CYP19A1: variants seen among roughly 807,000 people sequenced by gnomAD.
The protein encoded by CYP19A1 is cytochrome P450 family 19 subfamily A member 1.
CYP19A1 carries 32 observed loss-of-function variants against 44.4 expected under a neutral mutation model. The ratio of observed to expected loss-of-function variants is 0.72; its 90% CI spans 0.54 to 0.97. CYP19A1 has a LOEUF of 0.97. Ranked by LOEUF, CYP19A1 falls within the 50% of genes least tolerant of loss-of-function variation. The pLI is 0.00. For missense variants in CYP19A1, 598 were observed against 637.8 expected (o/e 0.94, Z 0.67); for synonymous variants, 212 against 215.6 (o/e 0.98, Z 0.14).
At chr15:51,263,968 T>G (rs2034824065) in intron 1 of CYP19A1, among the ~76,000 whole-genome samples, 1 of 152,172 alleles carries the variant, frequency 6.6e-6, no homozygotes, top group African/African-American at 2.4e-5. Flanking sequence ...CAGGCATGAG[T>G]AAATCTGGGA....
chr15:51,222,223 A>G, intron 5 of CYP19A1, 126 bp downstream of exon 5: 1 of 1,534,216 alleles, frequency 6.5e-7, no homozygotes, highest in Non-Finnish European at 8.8e-7. Flanking sequence ...AACGAGGAGT[A>G]CTTAGAAATG....
At chr15:51,237,463 T>C (rs1309748845) in intron 2 of CYP19A1, among the ~76,000 whole-genome samples, 1 of 152,154 alleles carries the variant, frequency 6.6e-6, no homozygotes, top group Non-Finnish European at 1.5e-5. Context: ...ACACAATGGG[T>C]GGGTTAAAAC....
At chr15:51,294,708 G>A (rs1286182040) in intron 1 of CYP19A1, among the ~76,000 whole-genome samples, 51 of 136,532 alleles carry the variant, frequency 3.7e-4, no homozygotes, top group African/African-American at 1.4e-3. Context: ...CCGGCCAGCC[G>A]CCCCGTCTGG....
chr15:51,323,477 G>T (rs534785306), intron 1 of CYP19A1, among the ~76,000 whole-genome samples: 1 of 151,680 alleles, frequency 6.6e-6, no homozygotes, highest in South Asian at 2.1e-4. Flanking sequence ...AAAATTTTTG[G>T]ATTTGGATGT....
At chr15:51,301,379 T>C (rs1014498819) in intron 1 of CYP19A1, among the ~76,000 whole-genome samples, 3 of 152,266 alleles carry the variant, frequency 2.0e-5, no homozygotes, top group Non-Finnish European at 4.4e-5. Context: ...TTAGCCTTTC[T>C]GGTCCTAACT....
At chr15:51,233,842 T>C (rs951126799) in intron 3 of CYP19A1, among the ~76,000 whole-genome samples, 1 of 152,204 alleles carries the variant, frequency 6.6e-6, no homozygotes, top group Non-Finnish European at 1.5e-5. Flanking sequence ...TTCATTAATT[T>C]AGAGTACAGC....
chr15:51,219,412 C>T (rs1186529770), intron 5 of CYP19A1, among the ~76,000 whole-genome samples: 1 of 152,186 alleles, frequency 6.6e-6, no homozygotes, highest in East Asian at 1.9e-4. Context: ...CTGCTAAATA[C>T]CAGTCACCAT....
At chr15:51,268,431 T>G (rs1040379472) in intron 1 of CYP19A1, among the ~76,000 whole-genome samples, 7 of 152,204 alleles carry the variant, frequency 4.6e-5, no homozygotes, top group African/African-American at 1.7e-4. Context: ...CAATAGTTTG[T>G]TCCTTAACAT....
rs187934538 is a variant in CYP19A1 at position 51,211,888 on chromosome 15, T to A, written c.1263+432A>T. Among the ~76,000 whole-genome samples the A allele has an allele frequency of 9.8e-5, 15 of 152,332 alleles. No individual in the cohort carries two copies. The East Asian group carries it at 2.9e-3, about 29-fold the overall frequency. ...GCCATTTGATGAGCCAAAGGCACTT[T>A]GCAAAAACCAAATCTTTTGGTCTCA... On this transcript the variant is annotated intron_variant, in intron 9 of 9. Transcript: ENST00000396402.
chr15:51,243,263 C>A (rs551924822), intron 1 of CYP19A1, among the ~76,000 whole-genome samples: 1 of 152,256 alleles, frequency 6.6e-6, no homozygotes, highest in South Asian at 2.1e-4. Flanking sequence ...AGCCAAATTT[C>A]TTGCCAAATT....
intron 3 of CYP19A1, among the ~76,000 whole-genome samples, chr15:51,236,044 T>A (rs1415974611): frequency 6.6e-6 from 1 of 152,246 alleles, no homozygotes; most frequent in Non-Finnish European, 1.5e-5. Flanking sequence ...AGTCAATTCC[T>A]ATTTAGTTAA....
chr15:51,280,542 A>G (rs2035484022), intron 1 of CYP19A1, among the ~76,000 whole-genome samples: 1 of 152,114 alleles, frequency 6.6e-6, no homozygotes, highest in Non-Finnish European at 1.5e-5. Context: ...CATTTTGGCC[A>G]CTTCCTACCT....
At chr15:51,257,339 C>T (rs937985493) in intron 1 of CYP19A1, among the ~76,000 whole-genome samples, 2 of 152,212 alleles carry the variant, frequency 1.3e-5, no homozygotes, top group South Asian at 2.1e-4. Context: ...GGCCCCAATT[C>T]GCTACACTTC....
chr15:51,249,269 C>G (rs1337771160), intron 1 of CYP19A1, among the ~76,000 whole-genome samples: 1 of 152,074 alleles, frequency 6.6e-6, no homozygotes, highest in Non-Finnish European at 1.5e-5. Context: ...AGCCTTATTT[C>G]TTGGTTCTCT....
intron 1 of CYP19A1, among the ~76,000 whole-genome samples, chr15:51,244,095 C>G (rs1402322851): frequency 2.6e-5 from 4 of 152,198 alleles, no homozygotes; most frequent in African/African-American, 9.7e-5. Flanking sequence ...TAATAAAATT[C>G]TAGATTCACA....
chr15:51,288,971 T>G (rs2035777982), intron 1 of CYP19A1, among the ~76,000 whole-genome samples: 1 of 152,252 alleles, frequency 6.6e-6, no homozygotes, highest in Non-Finnish European at 1.5e-5. Flanking sequence ...AACTGCATTC[T>G]GACCTCCTTC....
intron 3 of CYP19A1, 26 bp from the exon 4 acceptor site, chr15:51,227,959 C>A (rs547448505): frequency 1.4e-6 from 2 of 1,444,792 alleles, no homozygotes; most frequent in African/African-American, 1.4e-5. Flanking sequence ...ACTTTGGTGT[C>A]AATTTTTAAG....
At chr15:51,256,899 T>G (rs1221349798) in intron 1 of CYP19A1, among the ~76,000 whole-genome samples, 4 of 151,838 alleles carry the variant, frequency 2.6e-5, no homozygotes, top group African/African-American at 9.7e-5. Flanking sequence ...AAGAAAGAGG[T>G]GTAGTCAGAT....
chr15:51,217,998 G>A (rs1234644118), intron 6 of CYP19A1, among the ~76,000 whole-genome samples: 1 of 151,996 alleles, frequency 6.6e-6, no homozygotes, highest in African/African-American at 2.4e-5. Flanking sequence ...CCAAAACAAA[G>A]TCATTTAATG....
Sources: allele counts gnomAD v4.1 joint callset (sites outside exome capture counted in the v4.1 genomes callset), GRCh38; gene constraint gnomAD v4.1.1; transcripts MANE v1.5; gene names NCBI Gene and HGNC (gene_info 2026-07-23, HGNC 2026-07-21).